The following RYR3 variants were observed in gnomAD, a reference collection of about 807,000 sequenced individuals.
The protein encoded by RYR3 is ryanodine receptor 3, also known as brain ryanodine receptor-calcium release channel.
RYR3 carries 207 observed loss-of-function variants against 584.3 expected under a neutral mutation model. The observed-to-expected ratio is 0.35, with a 90% confidence interval of 0.32 to 0.40. The LOEUF (loss-of-function observed/expected upper bound fraction) is 0.40. RYR3 is among the 10% of genes least tolerant of loss of function. The probability of loss-of-function intolerance (pLI) is 1.00; values close to 1 mark genes in which losing one functional copy is unlikely to be tolerated. For missense variants in RYR3, 5,616 were observed against 6,089.2 expected (o/e 0.92, Z 2.59); for synonymous variants, 2,416 against 2,248.5 (o/e 1.07, Z -2.11).
chr15:33,802,107 G>C (rs1373145775), intron 69 of RYR3, 146 bp downstream of exon 69: 1 of 768,684 alleles, frequency 1.3e-6, no homozygotes, highest in Admixed American at 1.7e-5. Context: ...GTTTCTTTGA[G>C]AACGAGCCAG....
intron 32 of RYR3, among the ~76,000 whole-genome samples, chr15:33,659,276 G>A (rs1480630000): frequency 6.6e-6 from 1 of 152,204 alleles, no homozygotes; most frequent in Non-Finnish European, 1.5e-5. Flanking sequence ...GTTTGCCTGA[G>A]TCACCACCCT....
chr15:33,709,714 C>T (rs2066961974), intron 43 of RYR3, among the ~76,000 whole-genome samples: 1 of 152,158 alleles, frequency 6.6e-6, no homozygotes, highest in South Asian at 2.1e-4. Flanking sequence ...GACTTCTCAG[C>T]CTCCAGAATC....
rs71117134 is a variant in RYR3 at position 33,337,056 on chromosome 15, C to CAAAAAA, written c.51+25981_51+25986dup. On this transcript the variant is annotated intron_variant, in intron 1 of 103. Coordinates refer to ENST00000634891, the MANE Select transcript of RYR3 (RefSeq NM_001036.6). ...TGGGTTACAGAGCAGGACTCCGTCT[C>CAAAAAA]AAAAAAAAAAAAAAAAAAAAAAAAA... Among the ~76,000 whole-genome samples, 137 of 48,966 alleles carry CAAAAAA rather than the reference C, an allele frequency of 2.8e-3. 13 individuals are homozygous for CAAAAAA. The highest frequency in any genetic ancestry group is 0.011 in the African/African-American group (128 of 11,382). The allele number at this position is 48,966 out of a possible 152,430, so 32.1% of individuals were successfully genotyped here.
intron 1 of RYR3, among the ~76,000 whole-genome samples, chr15:33,430,005 G>C (rs1412162635): frequency 6.6e-6 from 1 of 152,240 alleles, no homozygotes; most frequent in African/African-American, 2.4e-5. Flanking sequence ...GGGTGTGCTG[G>C]TGGTTGGTCT....
chr15:33,492,909 A>C (rs2142532999), intron 2 of RYR3, among the ~76,000 whole-genome samples: 1 of 152,256 alleles, frequency 6.6e-6, no homozygotes, highest in Non-Finnish European at 1.5e-5. Context: ...CCCATCCTGC[A>C]GCTGCTGGAT....
At chr15:33,372,261 GGCTAACT>G (rs1411191309) in intron 1 of RYR3, among the ~76,000 whole-genome samples, 3 of 151,858 alleles carry the variant, frequency 2.0e-5, no homozygotes, top group Admixed American at 2.0e-4. Flanking sequence ...GCATGATCTC[GGCTAACT>G]GCAACCTCCG....
chr15:33,820,467 C>G (rs34715235), intron 77 of RYR3, among the ~76,000 whole-genome samples: 15,317 of 152,268 alleles, frequency 0.1, 1,026 homozygotes, highest in Middle Eastern at 0.26. Context: ...CAGAACCTTA[C>G]TAAGGTAGAA....
At chr15:33,631,076 C>A in intron 22 of RYR3, 134 bp from the exon 23 acceptor site, 1 of 583,168 alleles carries the variant, frequency 1.7e-6, no homozygotes, top group South Asian at 2.3e-5. Context: ...TCTGTGGCCC[C>A]TTACAGAAAA....
intron 5 of RYR3, among the ~76,000 whole-genome samples, chr15:33,537,521 TA>T (rs1322898409): frequency 8.9e-6 from 1 of 111,894 alleles, no homozygotes; most frequent in African/African-American, 3.8e-5. Flanking sequence ...CACTTTACTG[TA>T]ATTCTATATT....
At chr15:33,640,658 T>A (rs146287049) in intron 27 of RYR3, among the ~76,000 whole-genome samples, 1 of 152,226 alleles carries the variant, frequency 6.6e-6, no homozygotes, top group Non-Finnish European at 1.5e-5. Context: ...AAAACCAGTA[T>A]GAGGCCTTAT....
Position 33,549,522 on chromosome 15 carries a change from C to T in RYR3, c.816-638C>T, listed in dbSNP as rs1172388640. 2.6e-5 allele frequency among the ~76,000 whole-genome samples: 4 copies of T among 152,310 alleles called. No homozygotes were observed. The East Asian group carries it at 7.7e-4, about 29-fold the overall frequency. The stretch of plus-strand genomic sequence containing the variant: ...TCAGTGGATAATTTCTCCCATAACA[C>T]TTACCATAACTTTTGCTGAGTGCTG... On this transcript the variant is annotated intron_variant, in intron 9 of 103. Coordinates refer to ENST00000634891, the MANE Select transcript of RYR3 (RefSeq NM_001036.6).
chr15:33,709,083 T>G (rs1239487201), intron 43 of RYR3, among the ~76,000 whole-genome samples: 2 of 151,980 alleles, frequency 1.3e-5, no homozygotes, highest in East Asian at 3.9e-4. Flanking sequence ...AGGCAAAGAA[T>G]TGAACATAAT....
At position 33,865,281 on chromosome 15, in the gene RYR3, GTC is replaced by G; in HGVS notation, c.*56_*57del. 7.6e-7 allele frequency: 1 copy of G among 1,310,788 alleles called. No homozygotes were observed. Among genetic ancestry groups the G allele is most frequent in the Non-Finnish European group, 1.1e-6 (1 of 915,954 alleles). 81.2% of individuals were successfully genotyped at this position (1,310,788 alleles called of 1,614,324 possible). On this transcript the variant is annotated 3_prime_UTR_variant, in exon 104 of 104. Transcript: ENST00000634891. ...GACAGTCAACTTCCCATGAAATAAA[GTC>G]CCCTTTTTACAGTTCTGCAACATAT... is the stretch of plus-strand genomic sequence containing the variant.
chr15:33,347,515 C>T (rs1456371361), intron 1 of RYR3, among the ~76,000 whole-genome samples: 2 of 150,686 alleles, frequency 1.3e-5, no homozygotes, highest in African/African-American at 2.4e-5. Context: ...GGTGCTATCT[C>T]GGCTCACTGC....
At chr15:33,830,619 G>A (rs2077620171) in intron 85 of RYR3, among the ~76,000 whole-genome samples, 1 of 127,952 alleles carries the variant, frequency 7.8e-6, no homozygotes, top group Non-Finnish European at 1.8e-5. Flanking sequence ...ACAACGTCTG[G>A]CACTTACAAT....
At chr15:33,677,220 CATGGGGATGGAGAG>C (rs1351218248) in intron 38 of RYR3, among the ~76,000 whole-genome samples, 3 of 152,148 alleles carry the variant, frequency 2.0e-5, no homozygotes, top group Non-Finnish European at 4.4e-5. Context: ...GAAAGGGGGC[CATGGGGATGGAGAG>C]AGGGGGATAG....
At chr15:33,563,311 T>C (rs751644077) in intron 11 of RYR3, among the ~76,000 whole-genome samples, 10 of 152,236 alleles carry the variant, frequency 6.6e-5, no homozygotes, top group Non-Finnish European at 1.3e-4. Flanking sequence ...GTCTTGGGAT[T>C]ATCCACATCA....
intron 36 of RYR3, among the ~76,000 whole-genome samples, chr15:33,664,706 T>C (rs1295380788): frequency 2.0e-5 from 3 of 151,192 alleles, no homozygotes; most frequent in African/African-American, 7.3e-5. Flanking sequence ...TGAGATAATT[T>C]GTTTGGATTG....
At chr15:33,468,511 A>G (rs995943260) in intron 1 of RYR3, among the ~76,000 whole-genome samples, 5 of 152,312 alleles carry the variant, frequency 3.3e-5, no homozygotes, top group Non-Finnish European at 5.9e-5. Context: ...TTTTTATTCA[A>G]TTATTCAGTT....
Sources: gnomAD v4.1 joint callset for allele counts (sites outside exome capture counted in the v4.1 genomes callset) on GRCh38, gnomAD v4.1.1 for gene constraint, MANE v1.5 for transcripts, NCBI Gene and HGNC (gene_info 2026-07-23, HGNC 2026-07-21) for gene names.